The following FKBP5 variants were observed in gnomAD, a reference collection of about 807,000 sequenced individuals.
The protein encoded by FKBP5 is peptidyl-prolyl cis-trans isomerase FKBP5.
FKBP5 carries 23 observed loss-of-function variants against 50.5 expected under a neutral mutation model. That is an observed-to-expected ratio of 0.46 (90% CI 0.33 to 0.65). The LOEUF (loss-of-function observed/expected upper bound fraction) is 0.65. Ranked by LOEUF, FKBP5 falls within the 30% of genes least tolerant of loss-of-function variation. FKBP5 has a pLI of 0.02. For missense variants in FKBP5, 411 were observed against 553.1 expected (o/e 0.74, Z 2.58); for synonymous variants, 176 against 190.6 (o/e 0.92, Z 0.63).
chr6:35,582,437 G>C lies in FKBP5; in HGVS notation c.841-2216C>G, dbSNP rs368229900. 7 of 435,424 alleles carry C rather than the reference G, an allele frequency of 1.6e-5. No homozygotes were observed. In the Admixed American group the frequency reaches 2.6e-4, roughly 16 times the overall value. 27.0% of individuals were successfully genotyped at this position (435,424 alleles called of 1,614,324 possible). On this transcript the variant is annotated intron_variant, in intron 8 of 10. Coordinates refer to ENST00000357266, the MANE Select transcript of FKBP5 (RefSeq NM_004117.4). ...AGGGTGGGGCCTCATGATGGGATTA[G>C]AGCCTTTATAAGAAGAAACTCGGGT... is the stretch of plus-strand genomic sequence containing the variant.
intron 5 of FKBP5, among the ~76,000 whole-genome samples, chr6:35,600,415 C>CA (rs1004334631): frequency 3.9e-3 from 534 of 135,730 alleles, no homozygotes; most frequent in African/African-American, 8.1e-3. Flanking sequence ...GAGACCGTCT[C>CA]AAAAAAAAAA....
intron 2 of FKBP5, among the ~76,000 whole-genome samples, chr6:35,708,623 T>C (rs1766363403): frequency 6.6e-6 from 1 of 152,056 alleles, no homozygotes; most frequent in Non-Finnish European, 1.5e-5. Flanking sequence ...TAACAGAGAT[T>C]GTTAGTTGTG....
chr6:35,692,063 G>T (rs78695908), upstream of FKBP5, among the ~76,000 whole-genome samples: 1 of 152,200 alleles, frequency 6.6e-6, no homozygotes, highest in African/African-American at 2.4e-5. Flanking sequence ...TTGTGGAACT[G>T]CTCAAACCAC....
At chr6:35,721,216 G>A (rs1766603833) in intron 1 of FKBP5, among the ~76,000 whole-genome samples, 2 of 152,052 alleles carry the variant, frequency 1.3e-5, no homozygotes, top group Admixed American at 6.6e-5. Flanking sequence ...GCCAGGCATG[G>A]TGGCAGGCGC....
chr6:35,675,372 C>A (rs1262790619), intron 1 of FKBP5, among the ~76,000 whole-genome samples: 11 of 152,172 alleles, frequency 7.2e-5, no homozygotes, highest in Admixed American at 7.2e-4. Context: ...GAGTTTGAGA[C>A]CAGCCTGACC....
rs200427173 is a variant in FKBP5, at chr6:35,657,218, T to TA, written c.-19-14376dup. On this transcript the variant is annotated intron_variant, in intron 1 of 10. Transcript: ENST00000357266. The stretch of plus-strand genomic sequence containing the variant: ...TGACAAAGTGAGACTCCGTCTCAAG[T>TA]AAAAAAAAGAAAAAAGAAAAAATTA... 3.0e-3 allele frequency among the ~76,000 whole-genome samples: 463 copies of TA among 151,876 alleles called. 1 individual carries two copies. The highest frequency in any genetic ancestry group is 0.011 in the African/African-American group (435 of 41,428).
At chr6:35,702,979 G>A (rs781054190) in intron 2 of FKBP5, among the ~76,000 whole-genome samples, 4 of 152,136 alleles carry the variant, frequency 2.6e-5, no homozygotes, top group Non-Finnish European at 4.4e-5. Context: ...GCTGGGTGCC[G>A]TGACTCATGC....
At chr6:35,664,862 G>A (rs1765171512) in intron 1 of FKBP5, 1 of 153,292 alleles carries the variant, frequency 6.5e-6, no homozygotes, top group South Asian at 2.0e-4. Flanking sequence ...ATTTCCTTAT[G>A]TTTTTAAGGA....
chr6:35,594,093 C>T (rs974347490), intron 6 of FKBP5, among the ~76,000 whole-genome samples: 9 of 151,960 alleles, frequency 5.9e-5, no homozygotes, highest in African/African-American at 1.9e-4. Flanking sequence ...GTGGCTCACA[C>T]CTGTAATCCC....
intron 2 of FKBP5, among the ~76,000 whole-genome samples, chr6:35,696,837 T>G (rs1766089786): frequency 6.6e-6 from 1 of 152,198 alleles, no homozygotes; most frequent in Admixed American, 6.5e-5. Flanking sequence ...TGCAGTGTGG[T>G]ACTGGAAAAG....
At chr6:35,652,230 G>A (rs1194649292) in intron 1 of FKBP5, among the ~76,000 whole-genome samples, 2 of 152,084 alleles carry the variant, frequency 1.3e-5, no homozygotes, top group Admixed American at 6.5e-5. Context: ...TAATAATTGC[G>A]TTAAGTACAC....
chr6:35,612,654 T>C (rs1763525015), intron 5 of FKBP5, among the ~76,000 whole-genome samples: 1 of 152,214 alleles, frequency 6.6e-6, no homozygotes, highest in Non-Finnish European at 1.5e-5. Context: ...CTTACAATCA[T>C]GGCAGAAGGG....
intron 5 of FKBP5, among the ~76,000 whole-genome samples, chr6:35,602,161 GA>G (rs146184357): frequency 0.1 from 15,617 of 151,848 alleles, 1,190 homozygotes; most frequent in East Asian, 0.4. Flanking sequence ...AAATAGGGGG[GA>G]AAAAAGGAAA....
intron 1 of FKBP5, among the ~76,000 whole-genome samples, chr6:35,644,304 A>T (rs531930948): frequency 6.6e-6 from 1 of 152,382 alleles, no homozygotes; most frequent in South Asian, 2.1e-4. Context: ...GCTATTACAC[A>T]TTAGGCTAAT....
intron 2 of FKBP5, among the ~76,000 whole-genome samples, chr6:35,639,783 A>G (rs1450293990): frequency 6.6e-6 from 1 of 152,208 alleles, no homozygotes; most frequent in Non-Finnish European, 1.5e-5. Flanking sequence ...GCTTTCACAT[A>G]AGCAAAGTTA....
chr6:35,616,312 C>A (rs2150975533), intron 5 of FKBP5, among the ~76,000 whole-genome samples: 1 of 59,974 alleles, frequency 1.7e-5, no homozygotes, highest in Non-Finnish European at 2.9e-5. Flanking sequence ...AAGACTCCAT[C>A]TCAAAAAAAA....
intron 2 of FKBP5, among the ~76,000 whole-genome samples, chr6:35,709,974 A>G (rs1766386618): frequency 1.3e-5 from 2 of 152,130 alleles, no homozygotes; most frequent in Non-Finnish European, 2.9e-5. Context: ...ATTCCATTAG[A>G]GAGGGTAGTG....
chr6:35,620,096 C>G, intron 4 of FKBP5, 36 bp downstream of exon 4: 1 of 1,613,012 alleles, frequency 6.2e-7, no homozygotes, highest in Non-Finnish European at 8.5e-7. Flanking sequence ...TATTGTAGAG[C>G]AGATGCTGAC....
chr6:35,650,299 C>CAAAA (rs34190034), intron 1 of FKBP5, among the ~76,000 whole-genome samples: 1 of 99,910 alleles, frequency 1.0e-5, no homozygotes, highest in African/African-American at 3.8e-5. Flanking sequence ...AGATATTGTC[C>CAAAA]AAAAAAAAAA....
Sources: allele counts gnomAD v4.1 joint callset (sites outside exome capture counted in the v4.1 genomes callset), GRCh38; gene constraint gnomAD v4.1.1; transcripts MANE v1.5; gene names NCBI Gene and HGNC (gene_info 2026-07-23, HGNC 2026-07-21).